Variants in NLRP7 observed in about 807,000 individuals in gnomAD.
NLRP7 encodes NLR family pyrin domain containing 7.
Under a neutral mutation model 85.5 loss-of-function variants are expected in NLRP7, and 72 were observed. The ratio of observed to expected loss-of-function variants is 0.84; its 90% CI spans 0.70 to 1.02. The LOEUF (loss-of-function observed/expected upper bound fraction) is 1.02. NLRP7 is among the 50% of genes least tolerant of loss of function. The pLI is 0.00. For synonymous variants in NLRP7, 550 were observed against 505.2 expected, an observed-to-expected ratio of 1.09 and a Z score of -1.19; for missense variants, 1,243 against 1,219.5, an observed-to-expected ratio of 1.02 and a Z score of -0.29.
intron 1 of NLRP7, among the ~76,000 whole-genome samples, chr19:54,959,996 T>C (rs1164552679): frequency 6.6e-6 from 1 of 151,904 alleles, no homozygotes; most frequent in African/African-American, 2.4e-5. Context: ...GTTGAATTGT[T>C]TTTGAATTGT....
At chr19:54,940,297 C>T in exon 4 of NLRP7, 1 of 1,614,218 alleles carries the variant, frequency 6.2e-7, no homozygotes, top group Non-Finnish European at 8.5e-7. Flanking sequence ...CGTGCAGCAC[C>T]ACCGTGTAAG....
intron 5 of NLRP7, 67 bp downstream of exon 5, chr19:54,937,977 A>T: frequency 7.7e-7 from 1 of 1,296,358 alleles, no homozygotes; most frequent in South Asian, 1.2e-5. Flanking sequence ...TCCAAATTTA[A>T]AAAACAAAAG....
chr19:54,962,499 G>T (rs953739294), intron 1 of NLRP7, among the ~76,000 whole-genome samples: 4 of 151,562 alleles, frequency 2.6e-5, no homozygotes, highest in African/African-American at 9.7e-5. Flanking sequence ...TCGAACTCCT[G>T]ACCTCAGGTG....
At chr19:54,925,809 G>A (rs1050965610) in intron 9 of NLRP7, among the ~76,000 whole-genome samples, 3 of 151,990 alleles carry the variant, frequency 2.0e-5, no homozygotes, top group African/African-American at 7.3e-5. Context: ...GACCAGCCTG[G>A]CCAACATAGT....
intron 9 of NLRP7, among the ~76,000 whole-genome samples, chr19:54,929,576 G>A (rs944745402): frequency 1.3e-5 from 2 of 152,066 alleles, no homozygotes; most frequent in East Asian, 3.9e-4. Flanking sequence ...CATTTTCTGG[G>A]GGTGGTATCC....
chr19:54,936,136 C>A, intron 6 of NLRP7, 125 bp downstream of exon 6: 1 of 823,698 alleles, frequency 1.2e-6, no homozygotes, highest in Non-Finnish European at 2.0e-6. Flanking sequence ...CCACACAGGC[C>A]TGTTTGAGGA....
chr19:54,926,446 A>G (rs993722808), intron 9 of NLRP7, among the ~76,000 whole-genome samples: 1 of 152,126 alleles, frequency 6.6e-6, no homozygotes, highest in East Asian at 1.9e-4. Context: ...ACACACTCCC[A>G]AAAAAACTCT....
chr19:54,934,571 A>G lies in NLRP7; in HGVS notation c.2389T>C (p.Ser797Pro), dbSNP rs566268548. 9 of 1,614,114 alleles carry G rather than the reference A, an allele frequency of 5.6e-6. No individual in the cohort carries two copies. In the African/African-American group the frequency reaches 9.3e-5, roughly 17 times the overall value. Residue 797 changes from serine to proline, a missense_variant, in exon 7 of 10, where the codon TCA becomes CCA. Coordinates refer to ENST00000340844, the Ensembl canonical transcript of NLRP7. This position sits in a 1 kb window ranked among gnomAD's most constrained non-coding sequence, Gnocchi z 6.7. ...CCCTCATCCAGGAGCACATTGGCTG[A>G]GAGACGCAGGTGCTTCAGGGACTGG...
chr19:54,929,310 A>G (rs1034658446), intron 9 of NLRP7, among the ~76,000 whole-genome samples: 2 of 152,028 alleles, frequency 1.3e-5, no homozygotes, highest in African/African-American at 4.8e-5. Flanking sequence ...GGTTGCAGTG[A>G]GCCAAGATCG....
chr19:54,928,906 G>A (rs529808924), intron 9 of NLRP7, among the ~76,000 whole-genome samples: 5 of 152,088 alleles, frequency 3.3e-5, no homozygotes, highest in Non-Finnish European at 4.4e-5. Context: ...GGGTTCAAGC[G>A]ATTCTCCTGC....
intron 1 of NLRP7, among the ~76,000 whole-genome samples, chr19:54,955,500 C>G (rs2069822691): frequency 6.6e-6 from 1 of 152,124 alleles, no homozygotes; most frequent in East Asian, 1.9e-4. Flanking sequence ...GAAACCTCTT[C>G]TTGATCAAAT....
At chr19:54,946,187 G>T (rs868091396) in intron 1 of NLRP7, among the ~76,000 whole-genome samples, 19 of 151,608 alleles carry the variant, frequency 1.3e-4, no homozygotes, top group Admixed American at 1.1e-3. Context: ...GATCACAGGC[G>T]TGAGCCACCG....
exon 4 of NLRP7, chr19:54,939,844 C>T: frequency 6.2e-7 from 1 of 1,614,052 alleles, no homozygotes; most frequent in Non-Finnish European, 8.5e-7. Flanking sequence ...TGTCCTCCTC[C>T]AGGAAGCCCT....
chr19:54,938,074 G>C (rs1216092364), exon 5 of NLRP7: 1 of 1,614,074 alleles, frequency 6.2e-7, no homozygotes, highest in East Asian at 2.2e-5. Flanking sequence ...GGTGCTACGG[G>C]TTACGTGGTC....
exon 4 of NLRP7, chr19:54,939,038 A>G: frequency 6.2e-7 from 1 of 1,614,162 alleles, no homozygotes; most frequent in Non-Finnish European, 8.5e-7. Flanking sequence ...GTGAATAGAA[A>G]TTTCCTTGAA....
upstream of NLRP7, chr19:54,947,768 C>T (rs1602209681): frequency 5.7e-6 from 4 of 703,026 alleles, no homozygotes; most frequent in Non-Finnish European, 8.7e-6. Context: ...CCTAGACCAC[C>T]CGGGCCAGGT....
At position 54,929,487 on chromosome 19, in the gene NLRP7, T is replaced by A. The variant is rs151264250; in HGVS notation, c.2810+1012A>T. Among the ~76,000 whole-genome samples the A allele has an allele frequency of 2.3e-3, 355 of 152,090 alleles. 1 individual carries two copies. The highest frequency in any genetic ancestry group is 8.2e-3 in the African/African-American group (341 of 41,510). ...TTGCAGATTCTAGTTGGAAAATAGG[T>A]TGCATCCAAGAGATGCAACTGACAA... On this transcript the variant is annotated intron_variant, in intron 9 of 9. Coordinates refer to ENST00000340844, the Ensembl canonical transcript of NLRP7.
At chr19:54,930,434 G>T in intron 9 of NLRP7, 65 bp downstream of exon 9, 2 of 1,169,036 alleles carry the variant, frequency 1.7e-6, no homozygotes, top group Non-Finnish European at 2.5e-6. Flanking sequence ...TGCACTCCAG[G>T]CTGGGGGACA....
upstream of NLRP7, among the ~76,000 whole-genome samples, chr19:54,951,219 T>A (rs980101494): frequency 1.3e-5 from 2 of 152,110 alleles, no homozygotes; most frequent in African/African-American, 2.4e-5. Flanking sequence ...CAGACACAGT[T>A]ACAATCTGAT....
Sources: allele counts gnomAD v4.1 joint callset (sites outside exome capture counted in the v4.1 genomes callset), GRCh38; gene constraint gnomAD v4.1.1; non-coding constraint Gnocchi (gnomAD v3.1); transcripts MANE v1.5; gene names NCBI Gene and HGNC (gene_info 2026-07-23, HGNC 2026-07-21).